DLAT: variants seen among roughly 807,000 people sequenced by gnomAD.
DLAT encodes dihydrolipoyllysine-residue acetyltransferase component of pyruvate dehydrogenase complex, mitochondrial.
In DLAT, 43 loss-of-function variants were observed where a neutral mutation model predicts 68.0. The observed-to-expected ratio is 0.63, with a 90% CI of 0.50 to 0.81. The LOEUF is 0.81. Ranked by LOEUF, DLAT falls within the 40% of genes least tolerant of loss-of-function variation. The pLI, the probability that DLAT is intolerant of heterozygous loss-of-function variation, is 0.00. For synonymous variants in DLAT, 265 were observed against 288.6 expected (o/e 0.92, Z 0.83); for missense variants, 745 against 815.4 (o/e 0.91, Z 1.05).
In DLAT at chr11:112,039,192, G is replaced by T; in HGVS notation, c.976-52G>T. ...TAAGATGTAAACTTTTAATCTTTCAGACCAGTCTTTGAAGTGGTGAATTAA... is the reference window on the plus strand; with the variant it reads ...TAAGATGTAAACTTTTAATCTTTCATACCAGTCTTTGAAGTGGTGAATTAA... On this transcript the variant is annotated intron_variant, in intron 6 of 13. Transcript: ENST00000280346. 1.9e-6 allele frequency: 3 copies of T among 1,579,672 alleles called. No homozygotes were observed. The South Asian group carries it at 3.4e-5, about 18-fold the overall frequency.
chr11:112,028,395 G>C, intron 2 of DLAT, 120 bp from the exon 3 acceptor site: 1 of 1,199,568 alleles, frequency 8.3e-7, no homozygotes, highest in South Asian at 1.3e-5. Flanking sequence ...CTCCAGCCTT[G>C]GTGACAGAAT....
chr11:112,035,490 TC>T (rs1555180334), intron 5 of DLAT, among the ~76,000 whole-genome samples: 26 of 150,968 alleles, frequency 1.7e-4, no homozygotes, highest in Non-Finnish European at 8.8e-5. Flanking sequence ...TTTAAACACT[TC>T]TTTTTTTTTT....
At chr11:112,028,409 A>G in intron 2 of DLAT, 106 bp from the exon 3 acceptor site, 6 of 1,315,228 alleles carry the variant, frequency 4.6e-6, no homozygotes, top group Non-Finnish European at 6.3e-6. Context: ...ACAGAATGAG[A>G]CTCTGTGTCT....
chr11:112,061,922 T>A (rs994609168), intron 13 of DLAT, among the ~76,000 whole-genome samples: 1 of 152,180 alleles, frequency 6.6e-6, no homozygotes, highest in Non-Finnish European at 1.5e-5. Flanking sequence ...CATGCTATAT[T>A]GTATCTTCAA....
intron 4 of DLAT, among the ~76,000 whole-genome samples, chr11:112,032,041 C>T (rs1862435986): frequency 6.6e-6 from 1 of 151,408 alleles, no homozygotes; most frequent in South Asian, 2.1e-4. Flanking sequence ...TCACCATGCC[C>T]AGCTAATTTT....
At chr11:112,044,502 C>A (rs1394923324) in intron 8 of DLAT, among the ~76,000 whole-genome samples, 1 of 152,142 alleles carries the variant, frequency 6.6e-6, no homozygotes, top group African/African-American at 2.4e-5. Context: ...AATGGATTAG[C>A]TTGTTTATAC....
chr11:112,036,500 G>C (rs985472043), intron 5 of DLAT: 1 of 151,874 alleles, frequency 6.6e-6, no homozygotes, highest in African/African-American at 2.4e-5. Flanking sequence ...GGCATGAGCC[G>C]CCGCGCCCAG....
chr11:112,029,925 A>T (rs1862303579), intron 4 of DLAT: 5 of 730,164 alleles, frequency 6.8e-6, no homozygotes, highest in Non-Finnish European at 9.9e-6. Flanking sequence ...CATCACTAGA[A>T]GTCCATCAGT....
Position 112,033,348 on chromosome 11 carries a change from T to C in DLAT, c.661-56T>C, listed in dbSNP as rs12098930. On this transcript the variant is annotated intron_variant, in intron 4 of 13. Coordinates refer to ENST00000280346, the MANE Select transcript of DLAT (RefSeq NM_001931.5). Reference sequence around the variant, plus strand: ...TGAAACCACATAAGTCTGCCAGACTTTTATTATGTAGAAGTCTTCCTGGTA... The same window carrying C: ...TGAAACCACATAAGTCTGCCAGACTCTTATTATGTAGAAGTCTTCCTGGTA... 0.023 allele frequency: 36,686 copies of C among 1,599,420 alleles called. 3,057 individuals are homozygous for C. The African/African-American group carries it at 0.27, about 12-fold the overall frequency.
intron 4 of DLAT, among the ~76,000 whole-genome samples, chr11:112,031,138 A>G (rs997710069): frequency 6.6e-5 from 10 of 152,242 alleles, no homozygotes; most frequent in Admixed American, 6.5e-4. Flanking sequence ...CAAATTCTGC[A>G]CAAAAAAAGC....
intron 2 of DLAT, among the ~76,000 whole-genome samples, chr11:112,026,791 G>A (rs1338168231): frequency 9.8e-4 from 149 of 151,890 alleles, no homozygotes; most frequent in African/African-American, 3.3e-3. Flanking sequence ...CCACAAAACC[G>A]CCATTGTCAT....
intron 5 of DLAT, among the ~76,000 whole-genome samples, chr11:112,035,226 G>T (rs193040958): frequency 1.3e-5 from 2 of 152,206 alleles, no homozygotes; most frequent in South Asian, 2.1e-4. Flanking sequence ...GAATTAAAGA[G>T]CAGGACCTTA....
At position 112,062,942 on chromosome 11, in the gene DLAT, AAG is replaced by A. The variant is rs1437165943; in HGVS notation, c.*411_*412del. On this transcript the variant is annotated 3_prime_UTR_variant, in exon 14 of 14. Coordinates refer to ENST00000280346, the MANE Select transcript of DLAT (RefSeq NM_001931.5). ...AAATGTTCTCCTTAGATGTGAGAGA[AAG>A]AGAAATCAGAAAAATTAATTCTCTT... 5.9e-6 allele frequency: 1 copy of A among 169,524 alleles called. No individual in the cohort carries two copies. The highest frequency in any genetic ancestry group is 1.6e-4 in the East Asian group (1 of 6,334). The allele number at this position is 169,524 out of a possible 1,614,324, so 10.5% of individuals were successfully genotyped here.
In DLAT at chr11:112,025,430, C is replaced by T; in HGVS notation, c.-43C>T. The T allele has an allele frequency of 6.3e-7, 1 of 1,590,774 alleles. No individual in the cohort carries two copies. The highest frequency in any genetic ancestry group is 8.5e-7 in the Non-Finnish European group (1 of 1,172,434). On this transcript the variant is annotated 5_prime_UTR_variant, in exon 1 of 14. Transcript: ENST00000280346. ...GCCGCTGCTCTTGGAGAGGTCACTC[C>T]GGAGACGGCGTTGGTTTTGGGGTGT...
chr11:112,043,532 C>T lies in DLAT; in HGVS notation c.1196C>T (p.Pro399Leu). Residue 399 changes from proline (P) to leucine (L), a missense_variant and splice_region_variant, in exon 8 of 14, where the codon CCT (proline) becomes CTT (leucine). Coordinates refer to ENST00000280346, the MANE Select transcript of DLAT (RefSeq NM_001931.5). Reference sequence around the variant, plus strand: ...TCTTTTGTGCCTAGTAAAGTTGCTCCTGTGAGTTATGTGTAGCTCTTACTT... The same window carrying T: ...TCTTTTGTGCCTAGTAAAGTTGCTCTTGTGAGTTATGTGTAGCTCTTACTT... ...IDSFVPSKVAPAPAAVVPPTG... is the reference protein window; with the variant it reads ...IDSFVPSKVALAPAAVVPPTG... The T allele has an allele frequency of 6.2e-7, 1 of 1,613,972 alleles. No homozygotes were observed. Among genetic ancestry groups the T allele is most frequent in the East Asian group, 2.2e-5 (1 of 44,872 alleles).
intron 4 of DLAT, chr11:112,032,501 T>G (rs587672086): frequency 1.3e-5 from 2 of 152,254 alleles, no homozygotes; most frequent in African/African-American, 4.8e-5. Context: ...TTTTTTTTTT[T>G]AATATGGAAT....
chr11:112,062,095 T>A lies in DLAT; in HGVS notation c.1815-311T>A, dbSNP rs188417776. Among the ~76,000 whole-genome samples, 112 of 152,328 alleles carry A rather than the reference T, an allele frequency of 7.4e-4. 1 individual carries two copies. In the East Asian group the frequency reaches 0.018, roughly 25 times the overall value. On this transcript the variant is annotated intron_variant, in intron 13 of 13. Transcript: ENST00000280346. ...AGTATTTTAGGCTTTCTGGGACATA[T>A]GGCTGCTGTTGCAAATAATCTGCCA... is the stretch of plus-strand genomic sequence containing the variant.
chr11:112,025,635 G>C lies in DLAT; in HGVS notation c.163G>C (p.Val55Leu), dbSNP rs782730646. The C allele has an allele frequency of 5.0e-6, 8 of 1,613,562 alleles. No individual in the cohort carries two copies. Among genetic ancestry groups the C allele is most frequent in the Non-Finnish European group, 6.8e-6 (8 of 1,179,992 alleles). ...RNSVTTGYGG[V>L]RALCGWTPSS... ...CAGCGTGACTACAGGGTATGGCGGG[G>C]TCCGGGCACTGTGCGGCTGGACCCC... Residue 55 changes from valine (V) to leucine (L), a missense_variant, in exon 1 of 14, where the codon GTC becomes CTC. Transcript: ENST00000280346.
chr11:112,030,948 A>AT (rs1332097992), intron 4 of DLAT, among the ~76,000 whole-genome samples: 1 of 152,196 alleles, frequency 6.6e-6, no homozygotes, highest in Non-Finnish European at 1.5e-5. Context: ...CTATCTCATG[A>AT]TGTAAGACTG....
Sources: allele counts gnomAD v4.1 joint callset (sites outside exome capture counted in the v4.1 genomes callset), GRCh38; gene constraint gnomAD v4.1.1; transcripts MANE v1.5; gene names NCBI Gene and HGNC (gene_info 2026-07-23, HGNC 2026-07-21).